Variants in CTTNBP2 observed in about 807,000 individuals in gnomAD.
CTTNBP2 encodes the protein cortactin binding protein 2.
A neutral mutation model predicts 156.9 loss-of-function variants in CTTNBP2; 108 were observed. The ratio of observed to expected loss-of-function variants is 0.69; its 90% CI spans 0.59 to 0.81. The LOEUF is 0.81. Ranked by LOEUF, CTTNBP2 falls within the 30% of genes least tolerant of loss-of-function variation. The pLI is 0.00. For missense variants in CTTNBP2, 1,924 were observed against 2,035.4 expected (o/e 0.95, Z 1.05); for synonymous variants, 767 against 751.8 (o/e 1.02, Z -0.33).
At chr7:117,865,958 T>TTA (rs1425297009) in intron 1 of CTTNBP2, among the ~76,000 whole-genome samples, 1 of 147,922 alleles carries the variant, frequency 6.8e-6, no homozygotes, top group Non-Finnish European at 1.5e-5. Context: ...ACTTATATAA[T>TTA]TATATATATA....
intron 2 of CTTNBP2, among the ~76,000 whole-genome samples, chr7:117,840,473 G>A (rs1487498662): frequency 6.6e-6 from 1 of 152,126 alleles, no homozygotes; most frequent in Non-Finnish European, 1.5e-5. Context: ...CTGCAATTCA[G>A]CCATGTTTGC....
chr7:117,854,023 G>C (rs1158854618), intron 2 of CTTNBP2, among the ~76,000 whole-genome samples: 1 of 152,130 alleles, frequency 6.6e-6, no homozygotes, highest in Non-Finnish European at 1.5e-5. Context: ...GATTATTTCA[G>C]TGTTTGTCCT....
chr7:117,726,069 G>C (rs968886823), intron 17 of CTTNBP2, among the ~76,000 whole-genome samples: 3 of 152,184 alleles, frequency 2.0e-5, no homozygotes, highest in African/African-American at 7.2e-5. Context: ...TCTATAGGGA[G>C]GATGGGGGTC....
At chr7:117,755,092 C>T (rs1796814643) in intron 12 of CTTNBP2, among the ~76,000 whole-genome samples, 1 of 152,154 alleles carries the variant, frequency 6.6e-6, no homozygotes, top group Non-Finnish European at 1.5e-5. Context: ...TCACTTAAGC[C>T]AAGTAATGAT....
intron 2 of CTTNBP2, among the ~76,000 whole-genome samples, chr7:117,835,703 G>A (rs963381638): frequency 7.9e-5 from 12 of 152,172 alleles, no homozygotes; most frequent in Non-Finnish European, 1.3e-4. Flanking sequence ...ACACGCATTC[G>A]TCTTGATTAA....
At chr7:117,865,291 T>C (rs1263611204) in intron 1 of CTTNBP2, among the ~76,000 whole-genome samples, 1 of 151,686 alleles carries the variant, frequency 6.6e-6, no homozygotes, top group East Asian at 1.9e-4. Context: ...AAGTTTACTA[T>C]TGAACTTGCT....
Position 117,760,439 on chromosome 7 carries a change from C to T in CTTNBP2, c.3168G>A (p.Thr1056=), listed in dbSNP as rs140231051. Residue 1056 remains threonine, a synonymous_variant, in exon 10 of 23, where the codon ACG becomes ACA. Coordinates refer to ENST00000160373, the MANE Select transcript of CTTNBP2 (RefSeq NM_033427.3). ...CCGTCATAGGACTGCTGATACCTAG[C>T]GTGATGGATCGTATGCTTCTTGCAC... ...GLSARSIRSI[T]LGNVPWSVGQ... The T allele has an allele frequency of 7.2e-5, 116 of 1,613,342 alleles. No homozygotes were observed. Among genetic ancestry groups the T allele is most frequent in the Non-Finnish European group, 8.9e-5 (105 of 1,179,462 alleles).
At chr7:117,731,644 G>A (rs1584912310) in intron 16 of CTTNBP2, among the ~76,000 whole-genome samples, 1 of 152,208 alleles carries the variant, frequency 6.6e-6, no homozygotes, top group African/African-American at 2.4e-5. Flanking sequence ...ACTGGAGCTT[G>A]GTGTGCCACA....
chr7:117,772,205 G>A (rs1173844766), intron 8 of CTTNBP2, among the ~76,000 whole-genome samples: 2 of 152,176 alleles, frequency 1.3e-5, no homozygotes, highest in Admixed American at 6.5e-5. Flanking sequence ...CAGAGAGACC[G>A]AACATGATGA....
intron 4 of CTTNBP2, among the ~76,000 whole-genome samples, chr7:117,790,283 A>G (rs1467925989): frequency 6.6e-6 from 1 of 152,230 alleles, no homozygotes; most frequent in African/African-American, 2.4e-5. Context: ...ACAATTATGT[A>G]TTTTTGGTAA....
chr7:117,715,920 TAGG>T (rs1008102717), intron 22 of CTTNBP2: 2 of 151,820 alleles, frequency 1.3e-5, no homozygotes, highest in African/African-American at 4.8e-5. Context: ...ACCAGCTGAG[TAGG>T]AGAAGAGAAA....
rs185404873 is a variant in CTTNBP2 at position 117,751,958 on chromosome 7, T to G, written c.3348+4597A>C. ...ATGTTCCACTGGTAGCAGAGCTGCC[T>G]CTTCCTCATATCAGGCAACCAGCTG... On this transcript the variant is annotated intron_variant, in intron 12 of 22. Coordinates refer to ENST00000160373, the MANE Select transcript of CTTNBP2 (RefSeq NM_033427.3). Among the ~76,000 whole-genome samples, 17 of 152,286 alleles carry G rather than the reference T, an allele frequency of 1.1e-4. No homozygotes were observed. In the East Asian group the frequency reaches 3.3e-3, roughly 29 times the overall value.
At chr7:117,794,210 T>A (rs1279883166) in intron 3 of CTTNBP2, among the ~76,000 whole-genome samples, 1 of 152,108 alleles carries the variant, frequency 6.6e-6, no homozygotes, top group African/African-American at 2.4e-5. Context: ...TAGTCTAACA[T>A]GTTACTGCAA....
At chr7:117,825,053 A>C (rs1460468232) in intron 2 of CTTNBP2, among the ~76,000 whole-genome samples, 1 of 152,164 alleles carries the variant, frequency 6.6e-6, no homozygotes, top group Non-Finnish European at 1.5e-5. Context: ...GAATATATTT[A>C]CTGCCCAGCT....
At position 117,724,603 on chromosome 7, in the gene CTTNBP2, C is replaced by T; in HGVS notation, c.4391G>A (p.Arg1464Lys). ...AWRKVNTSPR[R>K]KSGRFSLPTW... Reference sequence around the variant, plus strand: ...GGGTAAAGAGAAGCGGCCAGACTTCCTGCGAGGACTGGTGTTCACCTTTCT... The same window carrying T: ...GGGTAAAGAGAAGCGGCCAGACTTCTTGCGAGGACTGGTGTTCACCTTTCT... Residue 1464 changes from arginine to lysine, a missense_variant, in exon 19 of 23, where the codon AGG becomes AAG. Arg to Lys is a conservative substitution (Grantham distance 26). Coordinates refer to ENST00000160373, the MANE Select transcript of CTTNBP2 (RefSeq NM_033427.3). The T allele has an allele frequency of 8.1e-6, 13 of 1,614,104 alleles. No homozygotes were observed. The highest frequency in any genetic ancestry group is 1.1e-5 in the Non-Finnish European group (13 of 1,180,012).
At chr7:117,790,769 G>A (rs1334646749) in intron 4 of CTTNBP2, among the ~76,000 whole-genome samples, 1 of 152,128 alleles carries the variant, frequency 6.6e-6, no homozygotes, top group Non-Finnish European at 1.5e-5. Flanking sequence ...GTCTGATCAT[G>A]ACCCACTGAG....
At chr7:117,864,676 ATT>A (rs1491486023) in intron 1 of CTTNBP2, among the ~76,000 whole-genome samples, 2 of 145,808 alleles carry the variant, frequency 1.4e-5, no homozygotes, top group African/African-American at 5.0e-5. Flanking sequence ...ATATTCATAT[ATT>A]TATATATATT....
chr7:117,728,276 A>G lies in CTTNBP2; in HGVS notation c.3877-9T>C. The G allele has an allele frequency of 6.3e-7, 1 of 1,595,664 alleles. No homozygotes were observed. Among genetic ancestry groups the G allele is most frequent in the Non-Finnish European group, 8.5e-7 (1 of 1,170,094 alleles). On this transcript the variant is annotated splice_polypyrimidine_tract_variant and intron_variant, in intron 16 of 22. Transcript: ENST00000160373. ...GGCGCCTGACCTTTGAACTAGAGAG[A>G]CAGGGAGGTGGAACCCAGGGGCTTG...
intron 1 of CTTNBP2, 79 bp from the exon 2 acceptor site, chr7:117,861,395 T>G (rs966191263): frequency 1.0e-5 from 10 of 990,136 alleles, no homozygotes; most frequent in Non-Finnish European, 1.5e-5. Context: ...ATGCAATGAA[T>G]CAGTTTTATC....
Sources: allele counts gnomAD v4.1 joint callset (sites outside exome capture counted in the v4.1 genomes callset), GRCh38; gene constraint gnomAD v4.1.1; transcripts MANE v1.5; gene names NCBI Gene and HGNC (gene_info 2026-07-23, HGNC 2026-07-21).